FGF6: variants seen among roughly 807,000 people sequenced by gnomAD.
FGF6 encodes FGF-6.
Under a neutral mutation model 18.4 loss-of-function variants are expected in FGF6, and 14 were observed. That is an observed-to-expected ratio of 0.76 (90% confidence interval 0.50 to 1.19). FGF6 has a LOEUF of 1.19. FGF6 is among the 50% of genes most tolerant of loss of function. The pLI is 0.00. For missense variants in FGF6, 266 were observed against 271.6 expected (o/e 0.98, Z 0.15); for synonymous variants, 125 against 116.7 (o/e 1.07, Z -0.46).
intron 2 of FGF6, among the ~76,000 whole-genome samples, chr12:4,439,536 A>C (rs920188412): frequency 2.0e-5 from 3 of 152,124 alleles, no homozygotes; most frequent in African/African-American, 7.2e-5. Flanking sequence ...CCTCTCCTAA[A>C]CATCTGGATC....
At position 4,445,721 on chromosome 12, in the gene FGF6, G is replaced by T; in HGVS notation, c.-151C>A. 1.5e-6 allele frequency: 1 copy of T among 669,532 alleles called. No individual in the cohort carries two copies. The highest frequency in any genetic ancestry group is 2.5e-6 in the Non-Finnish European group (1 of 401,094). 41.5% of individuals were successfully genotyped at this position (669,532 alleles called of 1,614,324 possible). A position where few individuals can be genotyped will look rare whatever the true frequency, so the allele number is the denominator to read the frequency against. On this transcript the variant is annotated 5_prime_UTR_variant, in exon 1 of 3. Coordinates refer to ENST00000228837, the MANE Select transcript of FGF6 (RefSeq NM_020996.3). This position sits in a 1 kb window ranked among gnomAD's most constrained non-coding sequence, Gnocchi z 5.5. The stretch of plus-strand genomic sequence containing the variant: ...AAACCAAAGCCTCCATCGGGCACTC[G>T]GGTTGAGAGCAGAGGGACCCAGGCT...
chr12:4,441,568 C>T (rs1362685942), intron 2 of FGF6, among the ~76,000 whole-genome samples: 2 of 152,162 alleles, frequency 1.3e-5, no homozygotes, highest in Admixed American at 6.5e-5. Flanking sequence ...TGAGCCTCCA[C>T]ACCCCTCTTT....
At chr12:4,441,644 G>A (rs1385139493) in intron 2 of FGF6, among the ~76,000 whole-genome samples, 1 of 152,066 alleles carries the variant, frequency 6.6e-6, no homozygotes, top group African/African-American at 2.4e-5. Flanking sequence ...CTCTGCCCAC[G>A]AGTCGTTGCC....
At chr12:4,435,649 G>C (rs1222863771) in intron 2 of FGF6, among the ~76,000 whole-genome samples, 1 of 152,078 alleles carries the variant, frequency 6.6e-6, no homozygotes, top group Non-Finnish European at 1.5e-5. Context: ...AGGAGCCTGG[G>C]ACCAACAAAA....
chr12:4,437,040 A>T (rs1364110917), intron 2 of FGF6, among the ~76,000 whole-genome samples: 1 of 152,228 alleles, frequency 6.6e-6, no homozygotes, highest in Non-Finnish European at 1.5e-5. Flanking sequence ...GACTGATGAC[A>T]ATAGCCTCTT....
chr12:4,444,340 C>T lies in FGF6; in HGVS notation c.347-104G>A, dbSNP rs1865730943. On this transcript the variant is annotated intron_variant, in intron 1 of 2. Coordinates refer to ENST00000228837, the MANE Select transcript of FGF6 (RefSeq NM_020996.3). ...GTCCATCCCCCTTCTCCTAGAAAGC[C>T]AGACTCTCCATTGCCCCATCCATGA... is the stretch of plus-strand genomic sequence containing the variant. 7 of 746,138 alleles carry T rather than the reference C, an allele frequency of 9.4e-6. No individual in the cohort carries two copies. The Admixed American group carries it at 1.5e-4, about 16-fold the overall frequency. 46.2% of individuals were successfully genotyped at this position (746,138 alleles called of 1,614,324 possible). A position where few individuals can be genotyped will look rare whatever the true frequency, so the allele number is the denominator to read the frequency against.
intron 2 of FGF6, 120 bp from the exon 3 acceptor site, chr12:4,434,511 C>A: frequency 2.2e-6 from 2 of 894,048 alleles, no homozygotes; most frequent in Non-Finnish European, 3.6e-6. Context: ...CTTTGTGAGA[C>A]AACCACCGTG....
At chr12:4,443,116 T>G (rs1447655822) in intron 2 of FGF6, among the ~76,000 whole-genome samples, 1 of 152,164 alleles carries the variant, frequency 6.6e-6, no homozygotes, top group Non-Finnish European at 1.5e-5. Flanking sequence ...TGAGAGATGT[T>G]AGCACTAAAG....
At chr12:4,444,320 T>C in intron 1 of FGF6, 84 bp from the exon 2 acceptor site, 11 of 831,512 alleles carry the variant, frequency 1.3e-5, no homozygotes, top group Non-Finnish European at 1.8e-5. Flanking sequence ...TCTCAGTCCA[T>C]CCCCCTTCTC....
At chr12:4,435,176 T>C (rs918074405) in intron 2 of FGF6, among the ~76,000 whole-genome samples, 1 of 152,052 alleles carries the variant, frequency 6.6e-6, no homozygotes, top group African/African-American at 2.4e-5. Context: ...CCCATACCAG[T>C]CAGCGGCCCA....
intron 2 of FGF6, among the ~76,000 whole-genome samples, chr12:4,442,403 A>C (rs1202903811): frequency 6.6e-6 from 1 of 152,086 alleles, no homozygotes; most frequent in East Asian, 1.9e-4. Flanking sequence ...GAAGTGGGTA[A>C]ATTTCCTCTA....
At chr12:4,437,617 A>G (rs1413380625) in intron 2 of FGF6, among the ~76,000 whole-genome samples, 1 of 152,264 alleles carries the variant, frequency 6.6e-6, no homozygotes, top group South Asian at 2.1e-4. Context: ...GTACAGGTCA[A>G]TGAACAACAT....
chr12:4,443,389 C>T (rs1315312721), intron 2 of FGF6, among the ~76,000 whole-genome samples: 3 of 152,216 alleles, frequency 2.0e-5, no homozygotes, highest in Non-Finnish European at 2.9e-5. Flanking sequence ...TCAGCCTCAT[C>T]GGGATGTTTG....
Position 4,445,224 on chromosome 12 carries a change from C to T in FGF6, c.346+1G>A, listed in dbSNP as rs1226192644. The T allele has an allele frequency of 3.1e-6, 5 of 1,605,200 alleles. No homozygotes were observed. Among genetic ancestry groups the T allele is most frequent in the Middle Eastern group, 1.7e-4 (1 of 6,044 alleles). On this transcript the variant is annotated splice_donor_variant, in intron 1 of 2. Coordinates refer to ENST00000228837, the MANE Select transcript of FGF6 (RefSeq NM_020996.3). LOFTEE classifies it high-confidence loss of function. The surrounding 1 kb of genome is among the most constrained non-coding windows in gnomAD (Gnocchi z 5.5). ...CCCGACTGGCTGCAGCTGGCACTCA[C>T]TGTAGGGGTTCTCCTCGTGGGTCCC...
chr12:4,442,584 C>T (rs1203664263), intron 2 of FGF6, among the ~76,000 whole-genome samples: 2 of 152,224 alleles, frequency 1.3e-5, no homozygotes, highest in African/African-American at 4.8e-5. Context: ...TGGAGTCCCA[C>T]AGCCAACAGC....
At chr12:4,438,490 A>T (rs1206973760) in intron 2 of FGF6, among the ~76,000 whole-genome samples, 2 of 152,070 alleles carry the variant, frequency 1.3e-5, no homozygotes, top group Non-Finnish European at 2.9e-5. Flanking sequence ...GGAGTAGCTG[A>T]GGTGGCTCAT....
chr12:4,442,750 C>T (rs1197322328), intron 2 of FGF6, among the ~76,000 whole-genome samples: 1 of 152,170 alleles, frequency 6.6e-6, no homozygotes, highest in Non-Finnish European at 1.5e-5. Flanking sequence ...CATCACTTTC[C>T]CAGAGAGCGG....
intron 2 of FGF6, among the ~76,000 whole-genome samples, chr12:4,443,818 T>G (rs1251657132): frequency 6.6e-6 from 1 of 152,194 alleles, no homozygotes; most frequent in Non-Finnish European, 1.5e-5. Flanking sequence ...GAATCACACC[T>G]GCTCACAAGC....
intron 2 of FGF6, among the ~76,000 whole-genome samples, chr12:4,438,545 G>A (rs1195640231): frequency 6.6e-6 from 1 of 151,912 alleles, no homozygotes; most frequent in Admixed American, 6.6e-5. Context: ...GGTGGATCAC[G>A]AGGTCAGGAG....
Sources: gnomAD v4.1 joint callset for allele counts (sites outside exome capture counted in the v4.1 genomes callset) on GRCh38, gnomAD v4.1.1 for gene constraint, Gnocchi (gnomAD v3.1) non-coding constraint, MANE v1.5 for transcripts, NCBI Gene and HGNC (gene_info 2026-07-23, HGNC 2026-07-21) for gene names.